AGMO: variants seen among roughly 807,000 people sequenced by gnomAD.
The protein encoded by AGMO is alkylglycerol monooxygenase, also known as glyceryl-ether monooxygenase.
In AGMO, 75 loss-of-function variants were observed where a neutral mutation model predicts 60.2. That is an observed-to-expected ratio of 1.25 (90% confidence interval 1.03 to 1.51). AGMO has a LOEUF of 1.51. Among genes scored for constraint, AGMO ranks in the 40% most tolerant of loss-of-function variants. The pLI, the probability that AGMO is intolerant of heterozygous loss-of-function variation, is 0.00. For missense variants in AGMO, 763 were observed against 525.5 expected, an observed-to-expected ratio of 1.45 and a Z score of -4.42; for synonymous variants, 261 against 177.1, an observed-to-expected ratio of 1.47 and a Z score of -3.76.
At chr7:15,479,218 C>T (rs115713406) in intron 3 of AGMO, among the ~76,000 whole-genome samples, 1 of 152,086 alleles carries the variant, frequency 6.6e-6, no homozygotes, top group South Asian at 2.1e-4. Context: ...GAGATGCTCT[C>T]ATGTTTGTGA....
chr7:15,521,768 T>C (rs753049810), intron 3 of AGMO, among the ~76,000 whole-genome samples: 1 of 152,132 alleles, frequency 6.6e-6, no homozygotes, highest in Non-Finnish European at 1.5e-5. Context: ...GATGGAAGCA[T>C]TTCCTTTGAA....
At chr7:15,484,498 A>G (rs996762050) in intron 3 of AGMO, among the ~76,000 whole-genome samples, 1 of 152,234 alleles carries the variant, frequency 6.6e-6, no homozygotes, top group Non-Finnish European at 1.5e-5. Flanking sequence ...TGGTGTGTTC[A>G]CATTGTAAAA....
chr7:15,503,745 T>C (rs1455486032), intron 3 of AGMO, among the ~76,000 whole-genome samples: 1 of 152,034 alleles, frequency 6.6e-6, no homozygotes, highest in East Asian at 1.9e-4. Context: ...AAAATTATAA[T>C]AGAAGCACTT....
At chr7:15,392,204 C>T (rs1784171073) in intron 6 of AGMO, among the ~76,000 whole-genome samples, 1 of 151,818 alleles carries the variant, frequency 6.6e-6, no homozygotes, top group Non-Finnish European at 1.5e-5. Flanking sequence ...CGAGTAGCTG[C>T]GACCGCAGGT....
At chr7:15,188,771 G>GCAGT in the AGMO span, among the ~76,000 whole-genome samples, 257 of 33,934 alleles carry the variant, frequency 7.6e-3, 1 homozygote, top group East Asian at 0.05. Context: ...CAAAGACAGT[G>GCAGT]TGGTTAGTGT....
chr7:15,265,761 T>C (rs1783413882), intron 12 of AGMO, among the ~76,000 whole-genome samples: 1 of 152,102 alleles, frequency 6.6e-6, no homozygotes, highest in African/African-American at 2.4e-5. Context: ...TACTATATGA[T>C]ATAGCAATTC....
intron 12 of AGMO, among the ~76,000 whole-genome samples, chr7:15,213,209 A>G (rs980154516): frequency 1.3e-5 from 2 of 151,856 alleles, no homozygotes; most frequent in African/African-American, 4.8e-5. Context: ...GAAAACCACA[A>G]TCAAAAATAT....
At chr7:15,485,441 C>T (rs927864678) in intron 3 of AGMO, among the ~76,000 whole-genome samples, 3 of 152,076 alleles carry the variant, frequency 2.0e-5, no homozygotes, top group African/African-American at 7.2e-5. Flanking sequence ...AACAAAGAAG[C>T]TCAAATTACC....
At chr7:15,194,899 T>C in the AGMO span, among the ~76,000 whole-genome samples, 2 of 152,264 alleles carry the variant, frequency 1.3e-5, no homozygotes, top group Admixed American at 6.5e-5. Flanking sequence ...GCAGACATCA[T>C]TTTACCAGCA....
At chr7:15,157,307 G>C in the AGMO span, among the ~76,000 whole-genome samples, 1 of 152,196 alleles carries the variant, frequency 6.6e-6, no homozygotes, top group African/African-American at 2.4e-5. Context: ...TAGTAAGAAA[G>C]AGGGTAGGAG....
chr7:15,127,741 A>G, the AGMO span, among the ~76,000 whole-genome samples: 2 of 152,128 alleles, frequency 1.3e-5, no homozygotes, highest in Middle Eastern at 3.2e-3. Flanking sequence ...TCTTAAGTCA[A>G]TATTTTAATG....
downstream of AGMO, among the ~76,000 whole-genome samples, chr7:15,197,458 A>C (rs1310483605): frequency 6.6e-6 from 1 of 152,226 alleles, no homozygotes; most frequent in Non-Finnish European, 1.5e-5. Flanking sequence ...CAACTAATTG[A>C]ACATCTGATT....
At chr7:15,187,899 T>TG in the AGMO span, among the ~76,000 whole-genome samples, 10 of 151,180 alleles carry the variant, frequency 6.6e-5, no homozygotes, top group South Asian at 1.0e-3. Flanking sequence ...AAGGATTAAC[T>TG]CCCCCCCGAC....
intron 3 of AGMO, among the ~76,000 whole-genome samples, chr7:15,500,107 T>C (rs1783340418): frequency 6.6e-6 from 1 of 151,764 alleles, no homozygotes; most frequent in Admixed American, 6.6e-5. Flanking sequence ...TGGTTTTGGA[T>C]GCAAATTATC....
At chr7:15,158,177 T>G in the AGMO span, among the ~76,000 whole-genome samples, 1 of 152,308 alleles carries the variant, frequency 6.6e-6, no homozygotes, top group African/African-American at 2.4e-5. Context: ...CCATGAACCC[T>G]AGGCACCATA....
intron 3 of AGMO, among the ~76,000 whole-genome samples, chr7:15,448,310 C>G (rs1301905940): frequency 6.6e-6 from 1 of 152,128 alleles, no homozygotes; most frequent in Non-Finnish European, 1.5e-5. Flanking sequence ...AAAAGAGACT[C>G]CAAAGAGATC....
intron 12 of AGMO, among the ~76,000 whole-genome samples, chr7:15,294,313 C>T (rs1320898017): frequency 6.6e-6 from 1 of 151,836 alleles, no homozygotes; most frequent in African/African-American, 2.4e-5. Context: ...GAAAGCAATA[C>T]AGATATATCT....
At chr7:15,467,349 C>A (rs919018417) in intron 3 of AGMO, among the ~76,000 whole-genome samples, 1 of 152,088 alleles carries the variant, frequency 6.6e-6, no homozygotes, top group Non-Finnish European at 1.5e-5. Flanking sequence ...TTAGCCAAAC[C>A]CATCAGATTT....
chr7:15,378,320 T>C (rs1160248599), intron 10 of AGMO, among the ~76,000 whole-genome samples: 2 of 152,062 alleles, frequency 1.3e-5, no homozygotes, highest in Admixed American at 6.6e-5. Context: ...AAAATAAATA[T>C]ATATGGACAA....
Sources: gnomAD v4.1 joint callset for allele counts (sites outside exome capture counted in the v4.1 genomes callset) on GRCh38, gnomAD v4.1.1 for gene constraint, MANE v1.5 for transcripts, NCBI Gene and HGNC (gene_info 2026-07-23, HGNC 2026-07-21) for gene names.